PCDHA2: variants seen among roughly 807,000 people sequenced by gnomAD.
PCDHA2 encodes the protein protocadherin alpha 2, also known as protocadherin alpha-2.
In PCDHA2, 58 loss-of-function variants were observed where a neutral mutation model predicts 66.0. That is an observed-to-expected ratio of 0.88 (90% CI 0.71 to 1.09). The LOEUF (loss-of-function observed/expected upper bound fraction) is 1.09, where lower values mean the gene tolerates loss of function less well. PCDHA2 is among the 50% of genes least tolerant of loss of function. The probability of loss-of-function intolerance (pLI) is 0.00; values close to 1 mark genes in which losing one functional copy is unlikely to be tolerated. For synonymous variants in PCDHA2, 634 were observed against 554.0 expected (o/e 1.14, Z -2.03); for missense variants, 1,267 against 1,242.3 (o/e 1.02, Z -0.30).
At chr5:141,007,145 A>C (rs528280563) in intron 3 of PCDHA2, among the ~76,000 whole-genome samples, 1 of 152,330 alleles carries the variant, frequency 6.6e-6, no homozygotes, top group Admixed American at 6.5e-5. Context: ...CTGACAAAGG[A>C]AACTGTCAAA....
At chr5:140,852,033 A>C in intron 1 of PCDHA2, 2 of 934,104 alleles carry the variant, frequency 2.1e-6, no homozygotes, top group Non-Finnish European at 2.6e-6. Context: ...TCGCTTATTG[A>C]GTTTTTGTTA....
intron 1 of PCDHA2, among the ~76,000 whole-genome samples, chr5:140,944,623 T>C (rs535315515): frequency 6.6e-6 from 1 of 152,320 alleles, no homozygotes; most frequent in East Asian, 1.9e-4. Flanking sequence ...AGAAGTATAG[T>C]GTTGTAAGCC....
rs1781426453 is a variant in PCDHA2, at chr5:140,848,298, G to A, written c.2388+50946G>A. On this transcript the variant is annotated intron_variant, in intron 1 of 3. Transcript: ENST00000526136. ...TATGTACTTACACTTTGGGCCACGTGATGTCACTCTTTGCCGCGATGTTCT... is the reference window on the plus strand; with the variant it reads ...TATGTACTTACACTTTGGGCCACGTAATGTCACTCTTTGCCGCGATGTTCT... 1.4e-5 allele frequency: 9 copies of A among 661,966 alleles called. 1 individual carries two copies. The Admixed American group carries it at 2.4e-4, about 18-fold the overall frequency. The allele number at this position is 661,966 out of a possible 1,614,324, so 41.0% of individuals were successfully genotyped here. A position where few individuals can be genotyped will look rare whatever the true frequency, so the allele number is the denominator to read the frequency against.
At chr5:140,924,227 TA>T (rs2153571643) in intron 1 of PCDHA2, among the ~76,000 whole-genome samples, 1 of 152,354 alleles carries the variant, frequency 6.6e-6, no homozygotes, top group East Asian at 1.9e-4. Flanking sequence ...GTTCAATTTT[TA>T]TGGGCTGTTT....
At chr5:140,875,922 T>A (rs1554168077) in intron 1 of PCDHA2, 1 of 1,614,200 alleles carries the variant, frequency 6.2e-7, no homozygotes, top group Admixed American at 1.7e-5. Flanking sequence ...CTCTGGACTC[T>A]CATTTTCCTC....
intron 1 of PCDHA2, chr5:140,968,394 G>T: frequency 6.2e-7 from 1 of 1,613,940 alleles, no homozygotes; most frequent in Non-Finnish European, 8.5e-7. Context: ...GAGAAGTTTC[G>T]GGAGTTCTTT....
Position 140,796,809 on chromosome 5 carries a change from T to C in PCDHA2, c.1845T>C (p.Thr615=), listed in dbSNP as rs781867380. 3.7e-6 allele frequency: 6 copies of C among 1,614,126 alleles called. No individual in the cohort carries two copies. The Admixed American group carries it at 8.3e-5, about 22-fold the overall frequency. Residue 615 remains threonine (T), a synonymous_variant, in exon 1 of 4, where the codon ACT becomes ACC. Transcript: ENST00000526136. Reference sequence around the variant, plus strand: ...TTTCGTACGAGCTTCAGCTGGGTACTGGCAGCGCTCGCATCCCGTTCCGCG... The same window carrying C: ...TTTCGTACGAGCTTCAGCTGGGTACCGGCAGCGCTCGCATCCCGTTCCGCG... ...AWLSYELQLG[T]GSARIPFRVG...
chr5:140,992,414 G>T (rs868994021), intron 3 of PCDHA2, among the ~76,000 whole-genome samples: 1 of 152,128 alleles, frequency 6.6e-6, no homozygotes, highest in African/African-American at 2.4e-5. Flanking sequence ...TCTGCCCCAG[G>T]TCTAAGAATA....
intron 2 of PCDHA2, 71 bp downstream of exon 2, chr5:140,979,078 A>C (rs2240296): frequency 3.8e-6 from 6 of 1,583,342 alleles, no homozygotes; most frequent in South Asian, 1.1e-5. Flanking sequence ...CTGCATCTCC[A>C]TAGGCCAGAA....
Position 140,802,633 on chromosome 5 carries a change from C to T in PCDHA2, c.2388+5281C>T, listed in dbSNP as rs1554122256. The T allele has an allele frequency of 2.5e-6, 4 of 1,613,712 alleles. No homozygotes were observed. The African/African-American group carries it at 5.3e-5, about 22-fold the overall frequency. ...GGCTGCCACATCTTCACGGTGTCTG[C>T]GCGGGACGCGGACGCGCAGGAGAAC... On this transcript the variant is annotated intron_variant, in intron 1 of 3. Transcript: ENST00000526136.
At chr5:140,882,172 T>C (rs1582596670) in intron 1 of PCDHA2, 2 of 1,514,998 alleles carry the variant, frequency 1.3e-6, no homozygotes, top group South Asian at 2.7e-5. Context: ...TGCGAATCCT[T>C]CCGCACTAGG....
intron 1 of PCDHA2, among the ~76,000 whole-genome samples, chr5:140,901,786 T>C (rs2068901288): frequency 6.6e-6 from 1 of 152,242 alleles, no homozygotes; most frequent in South Asian, 2.1e-4. Context: ...TAGATTACTT[T>C]GGGTAGTATG....
intron 1 of PCDHA2, among the ~76,000 whole-genome samples, chr5:140,800,756 G>C (rs1762596528): frequency 6.6e-6 from 1 of 152,160 alleles, no homozygotes; most frequent in African/African-American, 2.4e-5. Flanking sequence ...GCTGTCACAT[G>C]GGAAATATTT....
rs1307872758 is a variant in PCDHA2, at chr5:140,858,559, T to A, written c.2388+61207T>A. The A allele has an allele frequency of 2.2e-6, 3 of 1,382,404 alleles. No homozygotes were observed. The African/African-American group carries it at 4.3e-5, about 20-fold the overall frequency. The allele number at this position is 1,382,404 out of a possible 1,614,324, so 85.6% of individuals were successfully genotyped here. On this transcript the variant is annotated intron_variant, in intron 1 of 3. Coordinates refer to ENST00000526136, the MANE Select transcript of PCDHA2 (RefSeq NM_018905.3). The stretch of plus-strand genomic sequence containing the variant: ...CTACATTCCATTTATGCTTGAATAT[T>A]TCTAGTGATACCTTTGTAATATAAT...
At chr5:140,824,477 T>G (rs1390927264) in intron 1 of PCDHA2, 4 of 386,518 alleles carry the variant, frequency 1.0e-5, no homozygotes, top group Non-Finnish European at 1.8e-5. Context: ...TTATTGTTAT[T>G]TTTTAGAGAC....
At position 140,803,469 on chromosome 5, in the gene PCDHA2, G is replaced by A. The variant is rs781860611; in HGVS notation, c.2388+6117G>A. On this transcript the variant is annotated intron_variant, in intron 1 of 3. Coordinates refer to ENST00000526136, the MANE Select transcript of PCDHA2 (RefSeq NM_018905.3). ...ATACTCGCAGCAGAGGCAGCAGAGG[G>A]TGTGCTCTGGAGAGGGGTTGCCCAA... 5 of 1,614,112 alleles carry A rather than the reference G, an allele frequency of 3.1e-6. No homozygotes were observed. Among genetic ancestry groups the A allele is most frequent in the Non-Finnish European group, 3.4e-6 (4 of 1,180,044 alleles).
intron 1 of PCDHA2, among the ~76,000 whole-genome samples, chr5:140,909,383 C>T (rs782249699): frequency 5.9e-5 from 9 of 152,202 alleles, no homozygotes; most frequent in Non-Finnish European, 1.3e-4. Flanking sequence ...GAAACCACAT[C>T]TAGTACAGCA....
intron 1 of PCDHA2, chr5:140,803,182 C>G: frequency 6.2e-7 from 1 of 1,613,918 alleles, no homozygotes. Context: ...TTGACCGCCA[C>G]GGCCACTGTG....
chr5:140,849,968 C>G, intron 1 of PCDHA2: 1 of 1,597,844 alleles, frequency 6.3e-7, no homozygotes, highest in Non-Finnish European at 8.6e-7. Flanking sequence ...CCCTGGTGTC[C>G]TACTCGCTGG....
Sources: allele counts gnomAD v4.1 joint callset (sites outside exome capture counted in the v4.1 genomes callset), GRCh38; gene constraint gnomAD v4.1.1; transcripts MANE v1.5; gene names NCBI Gene and HGNC (gene_info 2026-07-23, HGNC 2026-07-21).